SCAI: variants seen among roughly 807,000 people sequenced by gnomAD.
SCAI encodes the protein suppressor of cancer cell invasion, also known as protein SCAI.
In SCAI, 24 loss-of-function variants were observed where a neutral mutation model predicts 92.2. The observed-to-expected ratio is 0.26, with a 90% CI of 0.19 to 0.37. The LOEUF (loss-of-function observed/expected upper bound fraction) is 0.37. Among genes scored for constraint, SCAI ranks in the 10% least tolerant of loss-of-function variants. The pLI is 1.00. For synonymous variants in SCAI, 261 were observed against 258.6 expected, an observed-to-expected ratio of 1.01 and a Z score of -0.09; for missense variants, 450 against 736.2, an observed-to-expected ratio of 0.61 and a Z score of 4.50.
chr9:125,029,818 A>G, intron 3 of SCAI, 79 bp from the exon 4 acceptor site: 1 of 781,762 alleles, frequency 1.3e-6, no homozygotes, highest in Non-Finnish European at 1.9e-6. Context: ...GGTACAAACC[A>G]GACAGATGAA....
intron 9 of SCAI, 88 bp downstream of exon 9, chr9:125,018,711 G>T: frequency 8.7e-7 from 1 of 1,150,320 alleles, no homozygotes; most frequent in Non-Finnish European, 1.2e-6. Flanking sequence ...GAGGATGTTA[G>T]GATATTTATA....
At chr9:124,972,563 T>G (rs1464735379) in intron 15 of SCAI, among the ~76,000 whole-genome samples, 5 of 152,218 alleles carry the variant, frequency 3.3e-5, no homozygotes, top group African/African-American at 2.4e-5. Flanking sequence ...AATAGAAAAT[T>G]TAATGACTCA....
intron 14 of SCAI, among the ~76,000 whole-genome samples, chr9:124,983,198 T>C (rs1295594643): frequency 1.3e-5 from 2 of 149,798 alleles, no homozygotes; most frequent in African/African-American, 2.5e-5. Context: ...TAAAACAGTA[T>C]ATAATGTTCT....
At chr9:125,068,738 G>T (rs1236787976) in intron 2 of SCAI, among the ~76,000 whole-genome samples, 1 of 152,042 alleles carries the variant, frequency 6.6e-6, no homozygotes, top group African/African-American at 2.4e-5. Flanking sequence ...CTGTTGTGAA[G>T]ATAAAAATAA....
At chr9:124,971,237 GT>G in intron 17 of SCAI, 132 bp downstream of exon 17, 1 of 488,858 alleles carries the variant, frequency 2.0e-6, no homozygotes, top group Admixed American at 3.9e-5. Flanking sequence ...CGGTACATTT[GT>G]AAATATTATT....
intron 14 of SCAI, among the ~76,000 whole-genome samples, chr9:124,991,792 G>A (rs542553644): frequency 6.1e-4 from 92 of 151,858 alleles, no homozygotes; most frequent in Non-Finnish European, 1.1e-3. Context: ...AGCCAAGATT[G>A]CACCACTGTA....
chr9:125,121,387 C>G (rs1157623577), intron 2 of SCAI, among the ~76,000 whole-genome samples: 2 of 151,322 alleles, frequency 1.3e-5, no homozygotes, highest in Non-Finnish European at 2.9e-5. Context: ...TGCCAAAGCT[C>G]TGGGGGTGTC....
chr9:125,140,502 C>T (rs141242473), intron 2 of SCAI, among the ~76,000 whole-genome samples: 44 of 151,918 alleles, frequency 2.9e-4, no homozygotes, highest in African/African-American at 9.4e-4. Flanking sequence ...CACTCCAGTA[C>T]GGGCAACAAA....
intron 2 of SCAI, among the ~76,000 whole-genome samples, chr9:125,136,255 T>C (rs1001327886): frequency 6.6e-6 from 1 of 150,892 alleles, no homozygotes; most frequent in Non-Finnish European, 1.5e-5. Flanking sequence ...GGACTACAGG[T>C]GTGTACCACC....
intron 11 of SCAI, among the ~76,000 whole-genome samples, chr9:125,002,559 C>T (rs1001093164): frequency 6.7e-5 from 10 of 148,466 alleles, no homozygotes; most frequent in Admixed American, 2.1e-4. Flanking sequence ...CTCGGCTCAC[C>T]GCAGCCTCCG....
At position 125,143,404 on chromosome 9, in the gene SCAI, G is replaced by A. The variant is rs1367045700; in HGVS notation, c.34C>T (p.Arg12Trp). Reference sequence around the variant, plus strand: ...CCGCACCTGGGGGCCAGGCGACTCCGCGGCTGCTGGGGCTGCCGGGCTCCT... The same window carrying A: ...CCGCACCTGGGGGCCAGGCGACTCCACGGCTGCTGGGGCTGCCGGGCTCCT... ...VRGARQPQQP[R>W]SRLAPRLTGT... The change falls in exon 1 of 18, where the codon CGG (arginine) becomes TGG (tryptophan). Residue 12 changes from arginine (R) to tryptophan (W), a missense_variant. Physicochemically the swap from Arg to Trp is moderately radical, Grantham distance 101. This residue lies in a region of SCAI where 70 missense variants were observed against 66.3 expected (regional missense o/e 1.06). Transcript: ENST00000336505. 1.4e-6 allele frequency: 2 copies of A among 1,383,092 alleles called. No homozygotes were observed. The highest frequency in any genetic ancestry group is 2.9e-5 in the Admixed American group (1 of 35,086). The allele number at this position is 1,383,092 out of a possible 1,614,324, so 85.7% of individuals were successfully genotyped here.
At chr9:125,132,201 G>A (rs1038495664) in intron 2 of SCAI, among the ~76,000 whole-genome samples, 1 of 151,290 alleles carries the variant, frequency 6.6e-6, no homozygotes, top group Admixed American at 6.6e-5. Flanking sequence ...GCAACCACCA[G>A]CTCCTGGGTT....
intron 2 of SCAI, among the ~76,000 whole-genome samples, chr9:125,062,978 C>T (rs1420398589): frequency 1.4e-5 from 2 of 145,292 alleles, no homozygotes; most frequent in African/African-American, 5.2e-5. Flanking sequence ...CCAGATCGCA[C>T]CACTGCATTC....
chr9:125,134,732 A>G (rs1027597963), intron 2 of SCAI, among the ~76,000 whole-genome samples: 1 of 152,212 alleles, frequency 6.6e-6, no homozygotes, highest in East Asian at 1.9e-4. Flanking sequence ...GCTAGAGTGC[A>G]ATGGCACGAT....
At chr9:125,120,074 G>T (rs1286036362) in intron 2 of SCAI, among the ~76,000 whole-genome samples, 1 of 152,168 alleles carries the variant, frequency 6.6e-6, no homozygotes, top group Non-Finnish European at 1.5e-5. Context: ...AGTCTGCTCT[G>T]GTTAAGAGAC....
chr9:125,056,419 C>G (rs764813518), intron 2 of SCAI, among the ~76,000 whole-genome samples: 14 of 152,008 alleles, frequency 9.2e-5, no homozygotes, highest in Non-Finnish European at 1.3e-4. Flanking sequence ...TGAGCCGAGA[C>G]GTGCCATTGC....
At chr9:124,958,904 C>CAA (rs10713604) in intron 17 of SCAI, among the ~76,000 whole-genome samples, 2 of 111,744 alleles carry the variant, frequency 1.8e-5, no homozygotes, top group African/African-American at 6.7e-5. Context: ...GACTCAGTCT[C>CAA]AAAAAAAAAA....
intron 13 of SCAI, 88 bp downstream of exon 13, chr9:124,999,803 G>A (rs1022121949): frequency 2.8e-6 from 2 of 703,898 alleles, no homozygotes; most frequent in African/African-American, 3.8e-5. Flanking sequence ...TCTAGTACTA[G>A]AAAAAACTCC....
In SCAI at chr9:124,948,094, A is replaced by G. The variant is rs1438819101; in HGVS notation, c.*4713T>C. On this transcript the variant is annotated 3_prime_UTR_variant, in exon 18 of 18. Coordinates refer to ENST00000336505, the MANE Select transcript of SCAI (RefSeq NM_001144877.3). ...TAAAGAAAGCTCCATAATACCTAAT[A>G]CATAAATCCGATTTGTCGCTTTTCC... 6.6e-6 allele frequency: 1 copy of G among 152,344 alleles called. No individual in the cohort carries two copies. Among genetic ancestry groups the G allele is most frequent in the East Asian group, 1.9e-4 (1 of 5,196 alleles). The allele number at this position is 152,344 out of a possible 1,614,324, so 9.4% of individuals were successfully genotyped here. A position where few individuals can be genotyped will look rare whatever the true frequency, so the allele number is the denominator to read the frequency against.
Sources: gnomAD v4.1 joint callset for allele counts (sites outside exome capture counted in the v4.1 genomes callset) on GRCh38, gnomAD v4.1.1 for gene constraint, gnomAD v4.1.1 regional missense constraint, MANE v1.5 for transcripts, NCBI Gene and HGNC (gene_info 2026-07-23, HGNC 2026-07-21) for gene names.